The following RAPGEF1 variants were observed in gnomAD, a reference collection of about 807,000 sequenced individuals.
The protein encoded by RAPGEF1 is CRK SH3-binding GNRP.
A neutral mutation model predicts 143.3 loss-of-function variants in RAPGEF1; 33 were observed. That is an observed-to-expected ratio of 0.23 (90% CI 0.17 to 0.31). The LOEUF is 0.31. RAPGEF1 is among the 10% of genes least tolerant of loss of function. The pLI is 1.00. For missense variants in RAPGEF1, 1,199 were observed against 1,645.4 expected, an observed-to-expected ratio of 0.73 and a Z score of 4.69; for synonymous variants, 629 against 676.5, an observed-to-expected ratio of 0.93 and a Z score of 1.09.
intron 1 of RAPGEF1, 102 bp from the exon 2 acceptor site, chr9:131,651,051 T>C: frequency 7.3e-7 from 1 of 1,370,776 alleles, no homozygotes; most frequent in Non-Finnish European, 9.8e-7. Context: ...CCATCTTTTT[T>C]CTTGGCTGTT....
chr9:131,717,445 G>A (rs1333120049), intron 1 of RAPGEF1, among the ~76,000 whole-genome samples: 2 of 152,174 alleles, frequency 1.3e-5, no homozygotes, highest in Non-Finnish European at 2.9e-5. Context: ...GCAGCCGACA[G>A]GGAGCTTACC....
intron 1 of RAPGEF1, among the ~76,000 whole-genome samples, chr9:131,689,801 G>A (rs1207169632): frequency 6.6e-6 from 1 of 152,202 alleles, no homozygotes; most frequent in Non-Finnish European, 1.5e-5. Context: ...GCCTCCCAAA[G>A]TGCTAGGATT....
At chr9:131,647,756 G>A (rs192710938) in intron 3 of RAPGEF1, among the ~76,000 whole-genome samples, 24 of 152,194 alleles carry the variant, frequency 1.6e-4, no homozygotes, top group African/African-American at 5.5e-4. Context: ...CCTTCCTAAT[G>A]AGCAATGATG....
Position 131,579,412 on chromosome 9 carries a change from G to T in RAPGEF1, c.*85C>A. On this transcript the variant is annotated 3_prime_UTR_variant, in exon 27 of 27. Transcript: ENST00000683357. ...GCTCCGAGGCCGGGACTCCTGCCAT[G>T]CGCCTAACAGGTCCAAGGTCCTCTC... 8.6e-6 allele frequency: 13 copies of T among 1,516,928 alleles called. No homozygotes were observed. Among genetic ancestry groups the T allele is most frequent in the Non-Finnish European group, 1.2e-5 (13 of 1,123,374 alleles). The allele number at this position is 1,516,928 out of a possible 1,614,324, so 94.0% of individuals were successfully genotyped here.
At chr9:131,632,295 ATTTTTTT>A (rs55684326) in intron 5 of RAPGEF1, among the ~76,000 whole-genome samples, 3 of 136,102 alleles carry the variant, frequency 2.2e-5, no homozygotes, top group Admixed American at 7.4e-5. Flanking sequence ...CACCCGGCTA[ATTTTTTT>A]TTTTTTTTTT....
chr9:131,698,551 C>T (rs1306717809), intron 1 of RAPGEF1, among the ~76,000 whole-genome samples: 1 of 152,270 alleles, frequency 6.6e-6, no homozygotes, highest in Non-Finnish European at 1.5e-5. Flanking sequence ...CTCATACCCA[C>T]AGCTTGGCAA....
chr9:131,691,523 G>A (rs1214241234), intron 1 of RAPGEF1, among the ~76,000 whole-genome samples: 8 of 152,112 alleles, frequency 5.3e-5, no homozygotes, highest in African/African-American at 1.9e-4. Context: ...AATCATGGTC[G>A]CTTTAAGTCC....
At chr9:131,649,102 G>A (rs1405497698) in intron 3 of RAPGEF1, among the ~76,000 whole-genome samples, 1 of 151,266 alleles carries the variant, frequency 6.6e-6, no homozygotes, top group African/African-American at 2.4e-5. Flanking sequence ...GTGTGATCTC[G>A]GCTCACTGCA....
chr9:131,623,004 G>GT (rs1416067477), intron 10 of RAPGEF1, among the ~76,000 whole-genome samples: 1 of 152,140 alleles, frequency 6.6e-6, no homozygotes, highest in Non-Finnish European at 1.5e-5. Flanking sequence ...CTGAACTCAG[G>GT]TAATCCACCT....
At chr9:131,678,405 T>G (rs1429107115) in intron 1 of RAPGEF1, among the ~76,000 whole-genome samples, 1 of 152,240 alleles carries the variant, frequency 6.6e-6, no homozygotes, top group Non-Finnish European at 1.5e-5. Context: ...TTACAAGATC[T>G]ATGATGTTCT....
Position 131,579,391 on chromosome 9 carries a change from C to T in RAPGEF1, c.*106G>A, listed in dbSNP as rs779801154. The T allele has an allele frequency of 3.6e-5, 53 of 1,453,724 alleles. No individual in the cohort carries two copies. The highest frequency in any genetic ancestry group is 4.7e-5 in the Non-Finnish European group (51 of 1,077,562). 90.1% of individuals were successfully genotyped at this position (1,453,724 alleles called of 1,614,324 possible). On this transcript the variant is annotated 3_prime_UTR_variant, in exon 27 of 27. Coordinates refer to ENST00000683357, the MANE Select transcript of RAPGEF1 (RefSeq NM_001377935.1). ...TGAGGGCTGGCCAGCCTCATGGCTC[C>T]GAGGCCGGGACTCCTGCCATGCGCC...
At chr9:131,665,593 A>C (rs6597517) in intron 1 of RAPGEF1, among the ~76,000 whole-genome samples, 44,335 of 151,706 alleles carry the variant, frequency 0.29, 6,515 homozygotes, top group South Asian at 0.36. Context: ...GATGGCATCT[A>C]TTCTCCCTCA....
At chr9:131,604,910 G>A (rs1956862092) in intron 13 of RAPGEF1, 21 bp downstream of exon 13, 1 of 1,290,326 alleles carries the variant, frequency 7.7e-7, no homozygotes. Context: ...GTGTGTGTGT[G>A]TGTGCACGCT....
In RAPGEF1 at chr9:131,620,288, T is replaced by C. The variant is rs1053775644; in HGVS notation, c.1906-1082A>G. Reference sequence around the variant, plus strand: ...CTCAGCAATGGCTTTTTTTTTTTTTTAGACAGGGTCTCACTATGTTGTCCA... The same window carrying C: ...CTCAGCAATGGCTTTTTTTTTTTTTCAGACAGGGTCTCACTATGTTGTCCA... On this transcript the variant is annotated intron_variant, in intron 11 of 26. Transcript: ENST00000683357. Among the ~76,000 whole-genome samples, 5 of 137,670 alleles carry C rather than the reference T, an allele frequency of 3.6e-5. No individual in the cohort carries two copies. The East Asian group carries it at 6.4e-4, about 18-fold the overall frequency. The allele number at this position is 137,670 out of a possible 152,430, so 90.3% of individuals were successfully genotyped here.
chr9:131,698,925 C>A (rs566632786), intron 1 of RAPGEF1, among the ~76,000 whole-genome samples: 2 of 152,182 alleles, frequency 1.3e-5, no homozygotes, highest in Non-Finnish European at 2.9e-5. Flanking sequence ...CCCTAAATAG[C>A]GGGGTGATTT....
chr9:131,645,959 C>G (rs1383615582), intron 3 of RAPGEF1, among the ~76,000 whole-genome samples: 1 of 152,164 alleles, frequency 6.6e-6, no homozygotes, highest in Admixed American at 6.5e-5. Context: ...AATGAGAAAG[C>G]ATATGAAGTG....
chr9:131,592,642 T>C (rs1044289354), intron 17 of RAPGEF1, among the ~76,000 whole-genome samples: 4 of 152,222 alleles, frequency 2.6e-5, no homozygotes, highest in African/African-American at 9.6e-5. Context: ...TAAGGCTTTA[T>C]GCTTCAGAGG....
chr9:131,598,827 C>CTTTT (rs10647202), intron 15 of RAPGEF1, among the ~76,000 whole-genome samples: 2 of 138,950 alleles, frequency 1.4e-5, no homozygotes, highest in Non-Finnish European at 3.1e-5. Flanking sequence ...TATTTATTTG[C>CTTTT]TTTTTTTTTT....
intron 1 of RAPGEF1, among the ~76,000 whole-genome samples, chr9:131,668,188 T>C (rs1322348516): frequency 7.9e-5 from 12 of 152,142 alleles, no homozygotes; most frequent in Admixed American, 7.9e-4. Context: ...GTGAAGAGAA[T>C]TCCCAGACTC....
Sources: allele counts gnomAD v4.1 joint callset (sites outside exome capture counted in the v4.1 genomes callset), GRCh38; gene constraint gnomAD v4.1.1; transcripts MANE v1.5; gene names NCBI Gene and HGNC (gene_info 2026-07-23, HGNC 2026-07-21).